Variants in GSG1L2 observed in about 807,000 individuals in gnomAD.
The protein encoded by GSG1L2 is GSG1 like 2.
In GSG1L2, 15 loss-of-function variants were observed where a neutral mutation model predicts 9.0. The ratio of observed to expected loss-of-function variants is 1.67; its 90% CI spans 1.12 to 2.57. The LOEUF is 2.57. Ranked by LOEUF, GSG1L2 falls within the 30% of genes most tolerant of loss-of-function variation. The pLI, the probability that GSG1L2 is intolerant of heterozygous loss-of-function variation, is 0.00. For synonymous variants in GSG1L2, 127 were observed against 57.9 expected, an observed-to-expected ratio of 2.19 and a Z score of -5.41; for missense variants, 286 against 150.3, an observed-to-expected ratio of 1.90 and a Z score of -4.72.
At chr17:9,816,615 TGTGTCTG>T in intron 1 of GSG1L2, among the ~76,000 whole-genome samples, 1 of 142,370 alleles carries the variant, frequency 7.0e-6, no homozygotes, top group African/African-American at 2.6e-5. Flanking sequence ...TGTGTGTCTG[TGTGTCTG>T]TTTTGCATGT....
chr17:9,821,225 A>G (rs1179094552), intron 1 of GSG1L2, among the ~76,000 whole-genome samples: 2 of 152,144 alleles, frequency 1.3e-5, no homozygotes, highest in African/African-American at 4.8e-5. Context: ...GCTGCCAAAT[A>G]TGGAAGAGTC....
intron 1 of GSG1L2, among the ~76,000 whole-genome samples, chr17:9,817,943 T>G (rs2066574038): frequency 6.6e-6 from 1 of 152,134 alleles, no homozygotes; most frequent in African/African-American, 2.4e-5. Context: ...CTCACTCAGT[T>G]CTGCCTGCCT....
At chr17:9,816,172 TG>T (rs1283528734) in intron 1 of GSG1L2, among the ~76,000 whole-genome samples, 1 of 152,226 alleles carries the variant, frequency 6.6e-6, no homozygotes, top group East Asian at 1.9e-4. Flanking sequence ...ACCTAGTTTC[TG>T]GTATTCTGTT....
intron 4 of GSG1L2, chr17:9,804,559 C>T (rs2066510201): frequency 6.6e-6 from 1 of 152,178 alleles, no homozygotes; most frequent in Non-Finnish European, 1.5e-5. Context: ...GAGCTTACTC[C>T]ACTTCCTGCG....
intron 1 of GSG1L2, among the ~76,000 whole-genome samples, chr17:9,812,678 G>C (rs1306173721): frequency 1.3e-5 from 2 of 152,250 alleles, no homozygotes; most frequent in Admixed American, 6.5e-5. Context: ...AGGCTGGAGT[G>C]CAGTGGATCA....
In GSG1L2 at chr17:9,802,606, G is replaced by A. The variant is rs902314326; in HGVS notation, c.662C>T (p.Ser221Leu). The A allele has an allele frequency of 1.9e-5, 13 of 702,162 alleles. No individual in the cohort carries two copies. Among genetic ancestry groups the A allele is most frequent in the Middle Eastern group, 2.3e-4 (1 of 4,392 alleles). 43.5% of individuals were successfully genotyped at this position (702,162 alleles called of 1,614,324 possible). Residue 221 changes from serine (S) to leucine (L), a missense_variant, in exon 5 of 5, where the codon TCG (serine) becomes TTG (leucine). Ser to Leu is a moderately radical substitution (Grantham distance 145, BLOSUM62 -2). Transcript: ENST00000399363. Reference sequence around the variant, plus strand: ...CGTGAACCTGCTCATGGCCGAGACCGACACAGCCAGGCAGAGGGCGAAAGA... The same window carrying A: ...CGTGAACCTGCTCATGGCCGAGACCAACACAGCCAGGCAGAGGGCGAAAGA... ...WGSFALCLAVSVSAMSRFTAA... is the reference protein window; with the variant it reads ...WGSFALCLAVLVSAMSRFTAA...
chr17:9,802,259 AG>A lies in GSG1L2; in HGVS notation c.*126del. 1.8e-6 allele frequency: 1 copy of A among 567,776 alleles called. No individual in the cohort carries two copies. Among genetic ancestry groups the A allele is most frequent in the Non-Finnish European group, 3.1e-6 (1 of 318,592 alleles). The allele number at this position is 567,776 out of a possible 1,614,324, so 35.2% of individuals were successfully genotyped here. On this transcript the variant is annotated 3_prime_UTR_variant, in exon 5 of 5. Transcript: ENST00000399363. ...GTGTTTAGTAAAAGGTGAGATGTGG[AG>A]GGGTGGGGATGGAAGCTTTCCCTGG...
intron 1 of GSG1L2, among the ~76,000 whole-genome samples, chr17:9,816,896 C>CTGTGTGTGTGTGTCTCTG (rs201299125): frequency 1.5e-5 from 2 of 134,854 alleles, no homozygotes; most frequent in Admixed American, 7.2e-5. Flanking sequence ...GTGTGTGTAT[C>CTGTGTGTGTGTGTCTCTG]TGTGTGTGTG....
chr17:9,816,655 CTG>C lies in GSG1L2; in HGVS notation c.310+5105_310+5106del, dbSNP rs967111603. Among the ~76,000 whole-genome samples, 12 of 84,030 alleles carry C rather than the reference CTG, an allele frequency of 1.4e-4. 1 individual carries two copies. The highest frequency in any genetic ancestry group is 6.3e-4 in the South Asian group (1 of 1,592). The allele number at this position is 84,030 out of a possible 152,430, so 55.1% of individuals were successfully genotyped here. The stretch of plus-strand genomic sequence containing the variant: ...TGTCTGTGTGCGTGTCTGTGTGTGT[CTG>C]TGTGTGCGTGTGTGTCTGTGTGTGT... On this transcript the variant is annotated intron_variant, in intron 1 of 4. Transcript: ENST00000399363.
chr17:9,821,695 AG>A (rs2066590340), intron 1 of GSG1L2, 66 bp downstream of exon 1: 2 of 675,560 alleles, frequency 3.0e-6, no homozygotes, highest in Non-Finnish European at 5.4e-6. Flanking sequence ...AAACCCAGAC[AG>A]CCTGGCTCCA....
At chr17:9,815,515 A>T (rs565224738) in intron 1 of GSG1L2, among the ~76,000 whole-genome samples, 1 of 152,356 alleles carries the variant, frequency 6.6e-6, no homozygotes, top group South Asian at 2.1e-4. Flanking sequence ...TGGGGGAAAC[A>T]CTGGAATATG....
At chr17:9,811,695 C>T (rs971584300) in intron 1 of GSG1L2, among the ~76,000 whole-genome samples, 10 of 152,168 alleles carry the variant, frequency 6.6e-5, no homozygotes, top group East Asian at 1.9e-4. Flanking sequence ...TTCATCCCCA[C>T]GCAGTTTACA....
chr17:9,807,442 A>C, intron 4 of GSG1L2, 48 bp downstream of exon 4: 1 of 701,962 alleles, frequency 1.4e-6, no homozygotes. Context: ...GTTTATGTGC[A>C]TCTCTCCTGA....
At chr17:9,805,874 C>T (rs114108490) in intron 4 of GSG1L2, among the ~76,000 whole-genome samples, 1,988 of 152,224 alleles carry the variant, frequency 0.013, 21 homozygotes, top group African/African-American at 0.027. Flanking sequence ...CTAAAAGCCA[C>T]GCCACTAAAC....
At chr17:9,810,349 CA>C (rs1451420245) in intron 2 of GSG1L2, 1 of 579,644 alleles carries the variant, frequency 1.7e-6, no homozygotes, top group East Asian at 2.8e-5. Context: ...TGCTGCCAAT[CA>C]GGGCTTCCCA....
intron 4 of GSG1L2, 130 bp downstream of exon 4, chr17:9,807,360 T>C (rs2066519681): frequency 1.6e-6 from 1 of 637,674 alleles, no homozygotes; most frequent in African/African-American, 1.8e-5. Flanking sequence ...GTCACAGAAT[T>C]AACCCAAAGT....
In GSG1L2 at chr17:9,810,660, C is replaced by T; in HGVS notation, c.311-42G>A. 3 of 702,740 alleles carry T rather than the reference C, an allele frequency of 4.3e-6. No homozygotes were observed. In the Admixed American group the frequency reaches 6.0e-5, roughly 14 times the overall value. 43.5% of individuals were successfully genotyped at this position (702,740 alleles called of 1,614,324 possible). On this transcript the variant is annotated intron_variant, in intron 1 of 4. Coordinates refer to ENST00000399363, the MANE Select transcript of GSG1L2 (RefSeq NM_001310219.2). ...ATGCATCCAGAAGTGGGTTACACTT[C>T]ACAACCAGGGGGCAAATGGTGAATT...
intron 2 of GSG1L2, chr17:9,809,718 T>C (rs1316772355): frequency 6.6e-6 from 1 of 152,132 alleles, no homozygotes; most frequent in Admixed American, 6.5e-5. Flanking sequence ...ACAGAAAAGT[T>C]CCTGATTGGT....
At chr17:9,818,231 T>A (rs1006601831) in intron 1 of GSG1L2, among the ~76,000 whole-genome samples, 1 of 152,134 alleles carries the variant, frequency 6.6e-6, no homozygotes, top group Non-Finnish European at 1.5e-5. Flanking sequence ...CTTCCAATCA[T>A]AGCAGAGGGC....
Sources: gnomAD v4.1 joint callset for allele counts (sites outside exome capture counted in the v4.1 genomes callset) on GRCh38, gnomAD v4.1.1 for gene constraint, MANE v1.5 for transcripts, NCBI Gene and HGNC (gene_info 2026-07-23, HGNC 2026-07-21) for gene names.